The following TMEM132B variants were observed in gnomAD, a reference collection of about 807,000 sequenced individuals.
TMEM132B encodes the protein transmembrane protein 132B.
Under a neutral mutation model 90.8 loss-of-function variants are expected in TMEM132B, and 18 were observed. The observed-to-expected ratio is 0.20, with a 90% CI of 0.14 to 0.29. TMEM132B has a LOEUF of 0.29. Among genes scored for constraint, TMEM132B ranks in the 10% least tolerant of loss-of-function variants. TMEM132B has a pLI of 1.00. For synonymous variants in TMEM132B, 504 were observed against 523.3 expected, an observed-to-expected ratio of 0.96 and a Z score of 0.50; for missense variants, 1,096 against 1,326.8, an observed-to-expected ratio of 0.83 and a Z score of 2.70.
chr12:125,382,682 G>A (rs1431480563), intron 2 of TMEM132B, among the ~76,000 whole-genome samples: 2 of 152,228 alleles, frequency 1.3e-5, no homozygotes, highest in African/African-American at 2.4e-5. Flanking sequence ...TGGGTGGTTT[G>A]ATTGCTGTAA....
At chr12:125,238,366 C>CAAAAAAAAACCA (rs1873984376) in intron 1 of TMEM132B, among the ~76,000 whole-genome samples, 1 of 111,584 alleles carries the variant, frequency 9.0e-6, no homozygotes, top group African/African-American at 3.6e-5. Flanking sequence ...AAAAAAAAAC[C>CAAAAAAAAACCA]AAAAAAAAAA....
At chr12:125,471,221 C>A (rs1314226287) in intron 3 of TMEM132B, among the ~76,000 whole-genome samples, 3 of 152,172 alleles carry the variant, frequency 2.0e-5, no homozygotes, top group Admixed American at 1.3e-4. Flanking sequence ...CAGTCCCATG[C>A]GGGACAGAGT....
chr12:125,380,533 T>C (rs905777348), intron 2 of TMEM132B, among the ~76,000 whole-genome samples: 6 of 152,208 alleles, frequency 3.9e-5, no homozygotes, highest in African/African-American at 1.4e-4. Context: ...AAGGAGTTTA[T>C]GGATAGATTC....
rs1030813922 is a variant in TMEM132B, at chr12:125,490,880, T to C, written c.1107-28559T>C. ...AGGTCTCAAAAAGCATTGCACTTTCTTCCTTGCTGTTTCTTGGATCATTCA... is the reference window on the plus strand; with the variant it reads ...AGGTCTCAAAAAGCATTGCACTTTCCTCCTTGCTGTTTCTTGGATCATTCA... On this transcript the variant is annotated intron_variant, in intron 3 of 8. Transcript: ENST00000682704. The surrounding 1 kb of genome is among the most constrained non-coding windows in gnomAD (Gnocchi z 4.2). Among the ~76,000 whole-genome samples, 22 of 152,248 alleles carry C rather than the reference T, an allele frequency of 1.4e-4. No individual in the cohort carries two copies. Among genetic ancestry groups the C allele is most frequent in the African/African-American group, 5.1e-4 (21 of 41,468 alleles).
intron 5 of TMEM132B, among the ~76,000 whole-genome samples, chr12:125,621,158 C>G (rs930170014): frequency 6.6e-6 from 1 of 152,110 alleles, no homozygotes; most frequent in Non-Finnish European, 1.5e-5. Context: ...GAATGGGTCA[C>G]GTTTATAAAT....
chr12:125,187,401 C>T (rs1957766434), intron 1 of TMEM132B, among the ~76,000 whole-genome samples: 1 of 152,218 alleles, frequency 6.6e-6, no homozygotes, highest in South Asian at 2.1e-4. Context: ...TCACACTGCC[C>T]TCCCCAAGCT....
At chr12:125,456,201 T>C (rs909360500) in intron 3 of TMEM132B, among the ~76,000 whole-genome samples, 1 of 152,148 alleles carries the variant, frequency 6.6e-6, no homozygotes. Context: ...CACCCAAATA[T>C]TGCGTTTGCT....
At chr12:125,363,050 G>A (rs906436781) in intron 2 of TMEM132B, among the ~76,000 whole-genome samples, 1 of 152,130 alleles carries the variant, frequency 6.6e-6, no homozygotes, top group East Asian at 1.9e-4. Context: ...GGACATCCTT[G>A]CCTGCCACGT....
chr12:125,548,506 A>C lies in TMEM132B; in HGVS notation c.1293+28881A>C, dbSNP rs917544509. 3.3e-5 allele frequency among the ~76,000 whole-genome samples: 5 copies of C among 152,332 alleles called. No homozygotes were observed. In the East Asian group the frequency reaches 9.6e-4, roughly 29 times the overall value. On this transcript the variant is annotated intron_variant, in intron 4 of 8. Coordinates refer to ENST00000682704, the MANE Select transcript of TMEM132B (RefSeq NM_001366854.1). ...CTATGAGAAAGTGACCTTTAAGCTA[A>C]GGATTGAAGGATAAGACGACAGTCC...
chr12:125,240,610 T>C (rs1029354402), intron 1 of TMEM132B, among the ~76,000 whole-genome samples: 1 of 152,054 alleles, frequency 6.6e-6, no homozygotes, highest in Non-Finnish European at 1.5e-5. Context: ...CAGAAGTTTT[T>C]AAAAAGGACA....
intron 1 of TMEM132B, chr12:125,301,886 A>AACAAAACAAAACAAT (rs1247942429): frequency 3.4e-5 from 5 of 148,206 alleles, no homozygotes; most frequent in African/African-American, 7.5e-5. Flanking sequence ...CTCAAAACAA[A>AACAAAACAAAACAAT]ACAAAACAAA....
intron 3 of TMEM132B, among the ~76,000 whole-genome samples, chr12:125,482,458 G>A (rs868718479): frequency 6.6e-6 from 1 of 152,148 alleles, no homozygotes; most frequent in East Asian, 1.9e-4. Flanking sequence ...ATGAACAGAC[G>A]CTTTTGAAAA....
chr12:125,210,359 G>T (rs572502131), intron 1 of TMEM132B, among the ~76,000 whole-genome samples: 2 of 152,318 alleles, frequency 1.3e-5, no homozygotes, highest in Non-Finnish European at 2.9e-5. Context: ...AGCTGCTGTG[G>T]GGGCCAGAGC....
At chr12:125,608,788 A>G (rs1297476827) in intron 5 of TMEM132B, among the ~76,000 whole-genome samples, 1 of 152,162 alleles carries the variant, frequency 6.6e-6, no homozygotes, top group East Asian at 1.9e-4. Flanking sequence ...CAATGGCTAC[A>G]TAATTGTCCC....
intron 1 of TMEM132B, among the ~76,000 whole-genome samples, chr12:125,282,027 CAAAAAAA>C (rs869083244): frequency 1.2e-4 from 2 of 16,076 alleles, no homozygotes; most frequent in South Asian, 4.7e-3. Flanking sequence ...GACTCCGTCT[CAAAAAAA>C]AAAAAAAAAA....
chr12:125,558,846 C>T (rs553082530), intron 4 of TMEM132B, among the ~76,000 whole-genome samples: 1 of 152,266 alleles, frequency 6.6e-6, no homozygotes, highest in Admixed American at 6.5e-5. Context: ...AGGCAAAGGG[C>T]AAATGAACTT....
At chr12:125,639,487 G>A (rs17529048) in intron 5 of TMEM132B, among the ~76,000 whole-genome samples, 33,735 of 152,066 alleles carry the variant, frequency 0.22, 4,222 homozygotes, top group Admixed American at 0.36. Flanking sequence ...CTTCTATGGC[G>A]CTGTGCTATT....
At chr12:125,419,128 G>A (rs900881358) in intron 3 of TMEM132B, among the ~76,000 whole-genome samples, 1 of 152,120 alleles carries the variant, frequency 6.6e-6, no homozygotes, top group African/African-American at 2.4e-5. Context: ...TTTGAATAGA[G>A]GCAGAGAAAA....
intron 1 of TMEM132B, among the ~76,000 whole-genome samples, chr12:125,236,367 G>A (rs906834026): frequency 5.9e-5 from 9 of 151,946 alleles, no homozygotes; most frequent in Non-Finnish European, 1.5e-5. Context: ...ATGTTAGCCA[G>A]GCTGTTCTCA....
Sources: gnomAD v4.1 joint callset for allele counts (sites outside exome capture counted in the v4.1 genomes callset) on GRCh38, gnomAD v4.1.1 for gene constraint, Gnocchi (gnomAD v3.1) non-coding constraint, MANE v1.5 for transcripts, NCBI Gene and HGNC (gene_info 2026-07-23, HGNC 2026-07-21) for gene names.